Variants in ERGIC1 observed in about 807,000 individuals in gnomAD.
ERGIC1 encodes the protein endoplasmic reticulum-Golgi intermediate compartment protein 1.
In ERGIC1, 19 loss-of-function variants were observed where a neutral mutation model predicts 38.3. That is an observed-to-expected ratio of 0.50 (90% CI 0.35 to 0.73). ERGIC1 has a LOEUF of 0.73. Among genes scored for constraint, ERGIC1 ranks in the 30% least tolerant of loss-of-function variants. The pLI, the probability that ERGIC1 is intolerant of heterozygous loss-of-function variation, is 0.01. For synonymous variants in ERGIC1, 124 were observed against 157.6 expected (o/e 0.79, Z 1.60); for missense variants, 294 against 389.2 (o/e 0.76, Z 2.06).
At chr5:172,892,790 G>A (rs1762601181) in intron 2 of ERGIC1, among the ~76,000 whole-genome samples, 1 of 152,070 alleles carries the variant, frequency 6.6e-6, no homozygotes, top group Non-Finnish European at 1.5e-5. Flanking sequence ...GCCAGGCACT[G>A]TGCTAGTCTC....
chr5:172,850,375 C>T (rs1271442380), intron 1 of ERGIC1, among the ~76,000 whole-genome samples: 9 of 151,612 alleles, frequency 5.9e-5, no homozygotes, highest in African/African-American at 9.7e-5. Context: ...CTTGGGCCTC[C>T]GCCTGCCCCA....
intron 9 of ERGIC1, chr5:172,937,164 C>G (rs938730079): frequency 1.3e-5 from 2 of 152,126 alleles, no homozygotes; most frequent in South Asian, 4.1e-4. Flanking sequence ...AAATCTCACA[C>G]GCAGCCTGGG....
intron 4 of ERGIC1, 70 bp downstream of exon 4, chr5:172,909,831 G>A (rs1346626915): frequency 7.2e-7 from 1 of 1,385,202 alleles, no homozygotes; most frequent in Admixed American, 1.7e-5. Context: ...GTGCAGAAAT[G>A]GCAAGATCTC....
In ERGIC1 at chr5:172,950,978, C is replaced by T. The variant is rs1188719529; in HGVS notation, c.*162C>T. On this transcript the variant is annotated 3_prime_UTR_variant, in exon 10 of 10. Transcript: ENST00000393784. ...AGGATGGCTCGATGTTTTGCAGCTACCTCTTTTCCCCGTGTTTCTTTTTAG... is the reference window on the plus strand; with the variant it reads ...AGGATGGCTCGATGTTTTGCAGCTATCTCTTTTCCCCGTGTTTCTTTTTAG... The T allele has an allele frequency of 7.3e-6, 4 of 546,292 alleles. No homozygotes were observed. The highest frequency in any genetic ancestry group is 1.3e-5 in the Non-Finnish European group (4 of 316,444). 33.8% of individuals were successfully genotyped at this position (546,292 alleles called of 1,614,324 possible).
At chr5:172,869,420 G>A (rs1581527338) in intron 1 of ERGIC1, among the ~76,000 whole-genome samples, 1 of 152,202 alleles carries the variant, frequency 6.6e-6, no homozygotes, top group African/African-American at 2.4e-5. Context: ...GACTCACACC[G>A]AGTGGGATGG....
At chr5:172,938,175 C>G (rs576721773) in intron 9 of ERGIC1, among the ~76,000 whole-genome samples, 3 of 152,126 alleles carry the variant, frequency 2.0e-5, no homozygotes, top group Non-Finnish European at 2.9e-5. Flanking sequence ...TGATTTAACC[C>G]AAGACCCCGC....
At chr5:172,942,755 C>T (rs943250566) in intron 9 of ERGIC1, among the ~76,000 whole-genome samples, 3 of 152,208 alleles carry the variant, frequency 2.0e-5, no homozygotes, top group African/African-American at 4.8e-5. Flanking sequence ...CGTGCGTTCC[C>T]AGAGCAGGTT....
At chr5:172,878,722 G>C (rs564005799) in intron 1 of ERGIC1, among the ~76,000 whole-genome samples, 91 of 152,274 alleles carry the variant, frequency 6.0e-4, no homozygotes, top group African/African-American at 2.0e-3. Flanking sequence ...GGGGGGCGAT[G>C]AGAATGATTC....
chr5:172,936,192 C>G (rs1763882807), intron 9 of ERGIC1: 1 of 152,228 alleles, frequency 6.6e-6, no homozygotes, highest in East Asian at 1.9e-4. Flanking sequence ...CTTGAGCTGG[C>G]CTGAGGAGTA....
intron 7 of ERGIC1, among the ~76,000 whole-genome samples, chr5:172,931,648 C>T (rs1358544356): frequency 6.6e-6 from 1 of 152,166 alleles, no homozygotes; most frequent in Non-Finnish European, 1.5e-5. Flanking sequence ...AGAGGATGTA[C>T]AATGAAATGG....
intron 3 of ERGIC1, among the ~76,000 whole-genome samples, chr5:172,908,213 T>G (rs1763085205): frequency 6.8e-6 from 1 of 147,520 alleles, no homozygotes; most frequent in African/African-American, 2.5e-5. Context: ...GTGGACTGGA[T>G]GAAATCACAA....
chr5:172,851,432 C>T (rs923933146), intron 1 of ERGIC1, among the ~76,000 whole-genome samples: 7 of 152,062 alleles, frequency 4.6e-5, no homozygotes, highest in Non-Finnish European at 8.8e-5. Flanking sequence ...TCGCTTCAAC[C>T]CCGGAGGCAG....
chr5:172,844,012 G>A (rs1277536259), intron 1 of ERGIC1, among the ~76,000 whole-genome samples: 3 of 152,204 alleles, frequency 2.0e-5, no homozygotes, highest in Non-Finnish European at 4.4e-5. Flanking sequence ...TCACCGAGCC[G>A]TGATAGATGG....
chr5:172,849,441 G>A (rs1283899075), intron 1 of ERGIC1, among the ~76,000 whole-genome samples: 2 of 152,156 alleles, frequency 1.3e-5, no homozygotes, highest in Admixed American at 6.5e-5. Flanking sequence ...TGTTCCCAGC[G>A]TAACTCTGGA....
At chr5:172,933,546 G>C (rs573017943) in intron 8 of ERGIC1, 8 of 152,276 alleles carry the variant, frequency 5.3e-5, no homozygotes, top group Non-Finnish European at 1.2e-4. Flanking sequence ...CTCACGCCTC[G>C]GTCTGAGGAA....
rs185157766 is a variant in ERGIC1, at chr5:172,898,142, A to G, written c.155+1068A>G. 4.9e-5 allele frequency: 18 copies of G among 366,182 alleles called. No homozygotes were observed. In the East Asian group the frequency reaches 7.1e-4, roughly 14 times the overall value. 22.7% of individuals were successfully genotyped at this position (366,182 alleles called of 1,614,324 possible). A position where few individuals can be genotyped will look rare whatever the true frequency, so the allele number is the denominator to read the frequency against. On this transcript the variant is annotated intron_variant, in intron 3 of 9. Coordinates refer to ENST00000393784, the MANE Select transcript of ERGIC1 (RefSeq NM_001031711.3). ...CTGGCCACCCACTCTCCTGCTCAACACTGGAATTTTCTTTTTCACTAATGG... is the reference window on the plus strand; with the variant it reads ...CTGGCCACCCACTCTCCTGCTCAACGCTGGAATTTTCTTTTTCACTAATGG...
intron 9 of ERGIC1, among the ~76,000 whole-genome samples, chr5:172,941,686 T>G (rs990237271): frequency 6.6e-6 from 1 of 152,198 alleles, no homozygotes; most frequent in Non-Finnish European, 1.5e-5. Context: ...CAGGAAGAAC[T>G]ATTAGAGCAG....
chr5:172,931,198 T>A (rs1348723090), intron 7 of ERGIC1: 1 of 152,190 alleles, frequency 6.6e-6, no homozygotes, highest in Non-Finnish European at 1.5e-5. Context: ...GGAAGGCCCA[T>A]GAGCTTCCTG....
In ERGIC1 at chr5:172,875,455, C is replaced by T. The variant is rs893782517; in HGVS notation, c.21-13244C>T. ...CCTTTGATTATAAAACCAAAAGCCC[C>T]CTACCCCCCCAGCAGGCTTCTGCTT... is the stretch of plus-strand genomic sequence containing the variant. On this transcript the variant is annotated intron_variant, in intron 1 of 9. Coordinates refer to ENST00000393784, the MANE Select transcript of ERGIC1 (RefSeq NM_001031711.3). Among the ~76,000 whole-genome samples, 9 of 152,228 alleles carry T rather than the reference C, an allele frequency of 5.9e-5. No homozygotes were observed. In the South Asian group the frequency reaches 8.3e-4, roughly 14 times the overall value.
Sources: gnomAD v4.1 joint callset for allele counts (sites outside exome capture counted in the v4.1 genomes callset) on GRCh38, gnomAD v4.1.1 for gene constraint, MANE v1.5 for transcripts, NCBI Gene and HGNC (gene_info 2026-07-23, HGNC 2026-07-21) for gene names.